The following H3C11 variants were observed in gnomAD, a reference collection of about 807,000 sequenced individuals.
H3C11 encodes the protein histone H3.1.
In H3C11, 10 loss-of-function variants were observed where a neutral mutation model predicts 9.1. That is an observed-to-expected ratio of 1.10 (90% confidence interval 0.68 to 1.86). The LOEUF (loss-of-function observed/expected upper bound fraction) is 1.86. Among genes scored for constraint, H3C11 ranks in the 40% most tolerant of loss-of-function variants. The pLI, the probability that H3C11 is intolerant of heterozygous loss-of-function variation, is 0.00. For missense variants in H3C11, 197 were observed against 192.5 expected (o/e 1.02, Z -0.14); for synonymous variants, 132 against 82.4 (o/e 1.60, Z -3.26).
At position 27,872,026 on chromosome 6, in the gene H3C11, C is replaced by T; in HGVS notation, c.290G>A (p.Cys97Tyr). The T allele has an allele frequency of 6.2e-7, 1 of 1,614,254 alleles. No homozygotes were observed. Among genetic ancestry groups the T allele is most frequent in the Non-Finnish European group, 8.5e-7 (1 of 1,180,044 alleles). ...SSAVMALQEA[C>Y]EAYLVGLFED... is the part of the protein sequence containing the mutation. Reference sequence around the variant, plus strand: ...AAATAGCCCCACCAGGTAGGCCTCGCAAGCCTCCTGCAGCGCCATCACCGC... The same window carrying T: ...AAATAGCCCCACCAGGTAGGCCTCGTAAGCCTCCTGCAGCGCCATCACCGC... The change falls in exon 1 of 1, where the codon TGC (cysteine) becomes TAC (tyrosine). Residue 97 changes from cysteine to tyrosine, a missense_variant. By Grantham distance (194) the Cys-to-Tyr change is radical. Coordinates refer to ENST00000616365, the MANE Select transcript of H3C11 (RefSeq NM_003533.3).
At position 27,872,018 on chromosome 6, in the gene H3C11, A is replaced by T. The variant is rs142221765; in HGVS notation, c.298T>A (p.Tyr100Asn). 5.3e-5 allele frequency: 86 copies of T among 1,614,250 alleles called. No individual in the cohort carries two copies. Among genetic ancestry groups the T allele is most frequent in the Non-Finnish European group, 7.0e-5 (83 of 1,180,034 alleles). Residue 100 changes from tyrosine to asparagine, a missense_variant, in exon 1 of 1, where the codon TAC (tyrosine) becomes AAC (asparagine). Tyr to Asn is a moderately radical substitution (Grantham distance 143). Transcript: ENST00000616365. ...GTATCCTCAAATAGCCCCACCAGGT[A>T]GGCCTCGCAAGCCTCCTGCAGCGCC... ...VMALQEACEAYLVGLFEDTNL... is the reference protein window; with the variant it reads ...VMALQEACEANLVGLFEDTNL...
In H3C11 at chr6:27,872,342, C is replaced by T. The variant is rs1761627825; in HGVS notation, c.-27G>A. 2 of 1,574,110 alleles carry T rather than the reference C, an allele frequency of 1.3e-6. No individual in the cohort carries two copies. The highest frequency in any genetic ancestry group is 2.2e-5 in the East Asian group (1 of 44,614). ...GCTAAGTAGACGTACCTACTCAACA[C>T]AAATGAGAGAAAAAAACTGATCATC... is the stretch of plus-strand genomic sequence containing the variant. On this transcript the variant is annotated 5_prime_UTR_variant, in exon 1 of 1. It adds an upstream start codon to the 5' untranslated region. Coordinates refer to ENST00000616365, the MANE Select transcript of H3C11 (RefSeq NM_003533.3).
In H3C11 at chr6:27,872,172, G is replaced by A. The variant is rs200525123; in HGVS notation, c.144C>T (p.Ala48=). 23 of 1,613,960 alleles carry A rather than the reference G, an allele frequency of 1.4e-5. No individual in the cohort carries two copies. The highest frequency in any genetic ancestry group is 1.7e-5 in the Admixed American group (1 of 60,012). The part of the protein sequence containing the change: ...KPHRYRPGTV[A]LREIRRYQKS... The stretch of plus-strand genomic sequence containing the variant: ...TCTGGTAGCGGCGGATCTCGCGCAG[G>A]GCCACGGTGCCGGGGCGGTAGCGGT... Residue 48 remains alanine (A), a synonymous_variant, in exon 1 of 1, where the codon GCC becomes GCT. Transcript: ENST00000616365.
In H3C11 at chr6:27,871,964, C is replaced by G. The variant is rs779153359; in HGVS notation, c.352G>C (p.Val118Leu). Residue 118 changes from valine to leucine, a missense_variant, in exon 1 of 1, where the codon GTC (valine) becomes CTC (leucine). Coordinates refer to ENST00000616365, the MANE Select transcript of H3C11 (RefSeq NM_003533.3). ...TNLCAIHAKR[V>L]TIMPKDIQLA... ...TGGATGTCTTTAGGCATAATAGTGA[C>G]GCGTTTGGCGTGAATGGCGCACAGG... is the stretch of plus-strand genomic sequence containing the variant. 6.2e-7 allele frequency: 1 copy of G among 1,614,208 alleles called. No homozygotes were observed. The highest frequency in any genetic ancestry group is 8.5e-7 in the Non-Finnish European group (1 of 1,180,030).
Position 27,872,194 on chromosome 6 carries a change from C to T in H3C11, c.122G>A (p.Arg41His), listed in dbSNP as rs759503770. 2 of 1,613,596 alleles carry T rather than the reference C, an allele frequency of 1.2e-6. No individual in the cohort carries two copies. Among genetic ancestry groups the T allele is most frequent in the Non-Finnish European group, 1.7e-6 (2 of 1,179,684 alleles). Residue 41 changes from arginine (R) to histidine (H), a missense_variant, in exon 1 of 1, where the codon CGC becomes CAC. By Grantham distance (29) the Arg-to-His change is conservative. Coordinates refer to ENST00000616365, the MANE Select transcript of H3C11 (RefSeq NM_003533.3). The part of the protein sequence containing the change: ...PATGGVKKPH[R>H]YRPGTVALRE... The stretch of plus-strand genomic sequence containing the variant: ...CAGGGCCACGGTGCCGGGGCGGTAG[C>T]GGTGGGGCTTCTTGACGCCACCGGT...
Position 27,872,270 on chromosome 6 carries a change from CT to C in H3C11, c.45del (p.Ala16ArgfsTer47), listed in dbSNP as rs1761626420. 6 of 1,611,736 alleles carry C rather than the reference CT, an allele frequency of 3.7e-6. No homozygotes were observed. The highest frequency in any genetic ancestry group is 5.1e-6 in the Non-Finnish European group (6 of 1,179,352). The stretch of plus-strand genomic sequence containing the variant: ...TTGGTGGCCAGCTGCTTGCGCGGCG[CT>C]TTGCCGCCGGTGGACTTGCGAGCTG... ...KQTARKSTGG[K>X]APRKQLATKA... On this transcript the variant is annotated frameshift_variant, in exon 1 of 1. Transcript: ENST00000616365. LOFTEE classifies it high-confidence loss of function.
Position 27,872,270 on chromosome 6 carries a change from C to T in H3C11, c.46G>A (p.Ala16Thr). 6.2e-7 allele frequency: 1 copy of T among 1,611,736 alleles called. No individual in the cohort carries two copies. The highest frequency in any genetic ancestry group is 8.5e-7 in the Non-Finnish European group (1 of 1,179,352). Residue 16 changes from alanine to threonine, a missense_variant, in exon 1 of 1, where the codon GCG becomes ACG. Ala to Thr is a moderately conservative substitution (Grantham distance 58). Coordinates refer to ENST00000616365, the MANE Select transcript of H3C11 (RefSeq NM_003533.3). ...TTGGTGGCCAGCTGCTTGCGCGGCG[C>T]TTTGCCGCCGGTGGACTTGCGAGCT... ...QTARKSTGGK[A>T]PRKQLATKAA...
rs1442201420 is a variant in H3C11 at position 27,872,247 on chromosome 6, G to A, written c.69C>T (p.Thr23=). The change falls in exon 1 of 1, where the codon ACC becomes ACT. Residue 23 remains threonine (T), a synonymous_variant. Transcript: ENST00000616365. ...GGKAPRKQLA[T]KAARKSAPAT... ...CCGGAGCGCTCTTGCGAGCCGCCTT[G>A]GTGGCCAGCTGCTTGCGCGGCGCTT... The A allele has an allele frequency of 9.3e-6, 15 of 1,612,294 alleles. No individual in the cohort carries two copies. The Admixed American group carries it at 2.4e-4, about 25-fold the overall frequency.
rs559511508 is a variant in H3C11, at chr6:27,872,119, A to T, written c.197T>A (p.Leu66Gln). 2 of 1,614,160 alleles carry T rather than the reference A, an allele frequency of 1.2e-6. No individual in the cohort carries two copies. The highest frequency in any genetic ancestry group is 1.1e-5 in the South Asian group (1 of 91,080). Residue 66 changes from leucine (L) to glutamine (Q), a missense_variant, in exon 1 of 1, where the codon CTA becomes CAA. Transcript: ENST00000616365. ...QKSTELLIRK[L>Q]PFQRLVREIA... ...CTCCCGTACCAAGCGCTGAAAAGGT[A>T]GCTTCCGGATTAGCAGCTCGGTCGA...
chr6:27,871,948 T>G lies in H3C11; in HGVS notation c.368A>C (p.Lys123Thr), dbSNP rs761339099. ...GATGCGGCGCGCAAGCTGGATGTCT[T>G]TAGGCATAATAGTGACGCGTTTGGC... ...IHAKRVTIMP[K>T]DIQLARRIRG... The change falls in exon 1 of 1, where the codon AAA becomes ACA. Residue 123 changes from lysine (K) to threonine (T), a missense_variant. Coordinates refer to ENST00000616365, the MANE Select transcript of H3C11 (RefSeq NM_003533.3). 1 of 1,614,064 alleles carries G rather than the reference T, an allele frequency of 6.2e-7. No homozygotes were observed. Among genetic ancestry groups the G allele is most frequent in the African/African-American group, 1.3e-5 (1 of 74,928 alleles).
In H3C11 at chr6:27,872,124, C is replaced by T. The variant is rs1428306766; in HGVS notation, c.192G>A (p.Arg64=). The part of the protein sequence containing the change: ...RYQKSTELLI[R]KLPFQRLVRE... Reference sequence around the variant, plus strand: ...GTACCAAGCGCTGAAAAGGTAGCTTCCGGATTAGCAGCTCGGTCGACTTCT... The same window carrying T: ...GTACCAAGCGCTGAAAAGGTAGCTTTCGGATTAGCAGCTCGGTCGACTTCT... The change falls in exon 1 of 1, where the codon CGG becomes CGA. Residue 64 remains arginine, a synonymous_variant. Transcript: ENST00000616365. 4 of 1,614,202 alleles carry T rather than the reference C, an allele frequency of 2.5e-6. No homozygotes were observed. The East Asian group carries it at 8.9e-5, about 36-fold the overall frequency.
In H3C11 at chr6:27,872,344, A is replaced by T; in HGVS notation, c.-29T>A. ...TAAGTAGACGTACCTACTCAACACAAATGAGAGAAAAAAACTGATCATCCC... is the reference window on the plus strand; with the variant it reads ...TAAGTAGACGTACCTACTCAACACATATGAGAGAAAAAAACTGATCATCCC... On this transcript the variant is annotated 5_prime_UTR_variant, in exon 1 of 1. It adds an upstream start codon to the 5' untranslated region. Coordinates refer to ENST00000616365, the MANE Select transcript of H3C11 (RefSeq NM_003533.3). The T allele has an allele frequency of 1.9e-6, 3 of 1,572,368 alleles. No homozygotes were observed. Among genetic ancestry groups the T allele is most frequent in the Non-Finnish European group, 2.6e-6 (3 of 1,164,198 alleles).
In H3C11 at chr6:27,872,096, C is replaced by G. The variant is rs1761620899; in HGVS notation, c.220G>C (p.Glu74Gln). The stretch of plus-strand genomic sequence containing the variant: ...TCGGTCTTAAAGTCCTGTGCGATCT[C>G]CCGTACCAAGCGCTGAAAAGGTAGC... The part of the protein sequence containing the change: ...RKLPFQRLVR[E>Q]IAQDFKTDLR... The change falls in exon 1 of 1, where the codon GAG becomes CAG. Residue 74 changes from glutamate to glutamine, a missense_variant. Glu to Gln is a conservative substitution (Grantham distance 29). Transcript: ENST00000616365. The G allele has an allele frequency of 6.2e-7, 1 of 1,614,100 alleles. No individual in the cohort carries two copies. Among genetic ancestry groups the G allele is most frequent in the Non-Finnish European group, 8.5e-7 (1 of 1,180,058 alleles).
chr6:27,872,126 G>A lies in H3C11; in HGVS notation c.190C>T (p.Arg64Trp). The change falls in exon 1 of 1, where the codon CGG (arginine) becomes TGG (tryptophan). Residue 64 changes from arginine (R) to tryptophan (W), a missense_variant. Transcript: ENST00000616365. ...ACCAAGCGCTGAAAAGGTAGCTTCC[G>A]GATTAGCAGCTCGGTCGACTTCTGG... ...RYQKSTELLIRKLPFQRLVRE... is the reference protein window; with the variant it reads ...RYQKSTELLIWKLPFQRLVRE... 2 of 1,614,202 alleles carry A rather than the reference G, an allele frequency of 1.2e-6. No homozygotes were observed. The highest frequency in any genetic ancestry group is 2.2e-5 in the East Asian group (1 of 44,876).
chr6:27,872,125 C>G lies in H3C11; in HGVS notation c.191G>C (p.Arg64Pro), dbSNP rs776604676. The change falls in exon 1 of 1, where the codon CGG becomes CCG. Residue 64 changes from arginine (R) to proline (P), a missense_variant. By Grantham distance (103) the Arg-to-Pro change is moderately radical. Coordinates refer to ENST00000616365, the MANE Select transcript of H3C11 (RefSeq NM_003533.3). The part of the protein sequence containing the change: ...RYQKSTELLI[R>P]KLPFQRLVRE... ...TACCAAGCGCTGAAAAGGTAGCTTC[C>G]GGATTAGCAGCTCGGTCGACTTCTG... 6.2e-7 allele frequency: 1 copy of G among 1,614,176 alleles called. No homozygotes were observed. The highest frequency in any genetic ancestry group is 1.1e-5 in the South Asian group (1 of 91,086).
Position 27,872,211 on chromosome 6 carries a change from G to A in H3C11, c.105C>T (p.Gly35=), listed in dbSNP as rs764349796. 1.2e-5 allele frequency: 19 copies of A among 1,612,824 alleles called. No homozygotes were observed. The highest frequency in any genetic ancestry group is 1.6e-4 in the Middle Eastern group (1 of 6,076). ...AARKSAPATG[G]VKKPHRYRPG... is the part of the protein sequence containing the mutation. The stretch of plus-strand genomic sequence containing the variant: ...GGCGGTAGCGGTGGGGCTTCTTGAC[G>A]CCACCGGTGGCCGGAGCGCTCTTGC... The change falls in exon 1 of 1, where the codon GGC becomes GGT. Residue 35 remains glycine, a synonymous_variant. Transcript: ENST00000616365.
rs775189331 is a variant in H3C11, at chr6:27,871,938, C to T, written c.378G>A (p.Gln126=). ...KRVTIMPKDI[Q]LARRIRGERA ...TCTCCCCTCGGATGCGGCGCGCAAG[C>T]TGGATGTCTTTAGGCATAATAGTGA... Residue 126 remains glutamine, a synonymous_variant, in exon 1 of 1, where the codon CAG becomes CAA. Transcript: ENST00000616365. 6 of 1,614,056 alleles carry T rather than the reference C, an allele frequency of 3.7e-6. No individual in the cohort carries two copies. In the Admixed American group the frequency reaches 5.0e-5, roughly 13 times the overall value.
Position 27,871,917 on chromosome 6 carries a change from C to T in H3C11, c.399G>A (p.Gly133=), listed in dbSNP as rs199797213. 3 of 1,613,504 alleles carry T rather than the reference C, an allele frequency of 1.9e-6. No individual in the cohort carries two copies. The highest frequency in any genetic ancestry group is 1.7e-5 in the Admixed American group (1 of 59,986). Residue 133 remains glycine, a synonymous_variant, in exon 1 of 1, where the codon GGG becomes GGA. Transcript: ENST00000616365. ...CTGATAGGAATATTTATGCCCTCTC[C>T]CCTCGGATGCGGCGCGCAAGCTGGA... ...KDIQLARRIR[G]ERA
In H3C11 at chr6:27,872,338, AAC is replaced by A; in HGVS notation, c.-25_-24del. ...CATGGCTAAGTAGACGTACCTACTCAACACAAATGAGAGAAAAAAACTGATCA... is the reference window on the plus strand; with the variant it reads ...CATGGCTAAGTAGACGTACCTACTCAACAAATGAGAGAAAAAAACTGATCA... On this transcript the variant is annotated 5_prime_UTR_variant, in exon 1 of 1. Transcript: ENST00000616365. 1 of 1,577,866 alleles carries A rather than the reference AAC, an allele frequency of 6.3e-7. No homozygotes were observed. The highest frequency in any genetic ancestry group is 1.4e-5 in the African/African-American group (1 of 72,668).
Sources: gnomAD v4.1 joint callset for allele counts on GRCh38, gnomAD v4.1.1 for gene constraint, MANE v1.5 for transcripts, NCBI Gene and HGNC (gene_info 2026-07-23, HGNC 2026-07-21) for gene names.